FMN1: variants seen among roughly 807,000 people sequenced by gnomAD.
The protein encoded by FMN1 is formin-1.
In FMN1, 110 loss-of-function variants were observed where a neutral mutation model predicts 132.4. The observed-to-expected ratio is 0.83, with a 90% confidence interval of 0.71 to 0.97. FMN1 has a LOEUF of 0.97. Among genes scored for constraint, FMN1 ranks in the 50% least tolerant of loss-of-function variants. The pLI, the probability that FMN1 is intolerant of heterozygous loss-of-function variation, is 0.00. For missense variants in FMN1, 1,792 were observed against 1,705.3 expected (o/e 1.05, Z -0.90); for synonymous variants, 722 against 651.7 (o/e 1.11, Z -1.64).
At position 33,153,655 on chromosome 15, in the gene FMN1, G is replaced by C; in HGVS notation, c.1260C>G (p.Val420=). The change falls in exon 4 of 21, where the codon GTC becomes GTG. Residue 420 remains valine (V), a synonymous_variant. Coordinates refer to ENST00000616417, the MANE Select transcript of FMN1 (RefSeq NM_001277313.2). The part of the protein sequence containing the change: ...SASAEGAVNK[V]PLKVIESEKL... ...TCTCACTCTCTATCACCTTCAGGGG[G>C]ACCTTGTTCACGGCCCCCTCGGCAC... 1 of 1,536,326 alleles carries C rather than the reference G, an allele frequency of 6.5e-7. No individual in the cohort carries two copies. The highest frequency in any genetic ancestry group is 8.7e-7 in the Non-Finnish European group (1 of 1,146,960).
intron 4 of FMN1, among the ~76,000 whole-genome samples, chr15:33,126,516 G>A (rs1011416410): frequency 1.3e-5 from 2 of 152,112 alleles, no homozygotes; most frequent in African/African-American, 4.8e-5. Context: ...CCTCTTATTC[G>A]CTGAGTACCT....
intron 16 of FMN1, among the ~76,000 whole-genome samples, chr15:32,866,796 A>AC (rs1400370330): frequency 6.6e-6 from 1 of 152,144 alleles, no homozygotes; most frequent in Non-Finnish European, 1.5e-5. Flanking sequence ...TTCGCTGACA[A>AC]CCCAGCAGGA....
At chr15:32,899,825 AAAG>A (rs2060251913) in intron 14 of FMN1, 151 bp downstream of exon 14, 3 of 792,656 alleles carry the variant, frequency 3.8e-6, no homozygotes, top group Non-Finnish European at 4.0e-6. Context: ...TCGAAAGTGA[AAAG>A]AAAGCAAACA....
intron 4 of FMN1, among the ~76,000 whole-genome samples, chr15:33,124,568 G>T (rs1387331109): frequency 6.6e-6 from 1 of 152,034 alleles, no homozygotes; most frequent in Non-Finnish European, 1.5e-5. Context: ...ATCGGAGTAG[G>T]AAAGCCCTTG....
Position 33,079,478 on chromosome 15 carries a change from C to A in FMN1, c.2043+9321G>T, listed in dbSNP as rs112494906. Among the ~76,000 whole-genome samples, 1,120 of 152,312 alleles carry A rather than the reference C, an allele frequency of 7.4e-3. 13 individuals carry two copies. Among genetic ancestry groups the A allele is most frequent in the African/African-American group, 0.024 (985 of 41,560 alleles). ...TCTCTACTGAAAATACAAAAACCAG[C>A]TGGGCATGGTGGCACCTGCCTGTAA... On this transcript the variant is annotated intron_variant, in intron 5 of 20. Transcript: ENST00000616417.
intron 7 of FMN1, among the ~76,000 whole-genome samples, chr15:33,004,424 C>A (rs572682181): frequency 3.3e-4 from 50 of 152,140 alleles, no homozygotes; most frequent in African/African-American, 9.9e-4. Context: ...ATGCAGCCAA[C>A]AGACACATGA....
At chr15:33,021,580 T>C (rs555953317) in intron 6 of FMN1, among the ~76,000 whole-genome samples, 1 of 152,266 alleles carries the variant, frequency 6.6e-6, no homozygotes, top group East Asian at 1.9e-4. Flanking sequence ...GGGATGATGA[T>C]ATAAAAGAGG....
intron 16 of FMN1, among the ~76,000 whole-genome samples, chr15:32,877,480 A>C (rs762552137): frequency 2.0e-5 from 3 of 152,186 alleles, no homozygotes; most frequent in South Asian, 2.1e-4. Context: ...TGTTCTAATT[A>C]AGTCAGTCTA....
At position 33,194,598 on chromosome 15, in the gene FMN1, T is replaced by G. The variant is rs1185692270; in HGVS notation, c.-369A>C. 2 of 152,350 alleles carry G rather than the reference T, an allele frequency of 1.3e-5. No homozygotes were observed. Among genetic ancestry groups the G allele is most frequent in the African/African-American group, 2.4e-5 (1 of 41,556 alleles). The allele number at this position is 152,350 out of a possible 1,614,324, so 9.4% of individuals were successfully genotyped here. A position where few individuals can be genotyped will look rare whatever the true frequency, so the allele number is the denominator to read the frequency against. ...TTTACCTGACCAATACTCGGGAGGC[T>G]GGTCCCGAGTCCCAGCTACTCGGGA... On this transcript the variant is annotated 5_prime_UTR_variant, in exon 1 of 21. Coordinates refer to ENST00000616417, the MANE Select transcript of FMN1 (RefSeq NM_001277313.2).
At chr15:33,023,256 G>C (rs2035509059) in intron 6 of FMN1, among the ~76,000 whole-genome samples, 1 of 124,308 alleles carries the variant, frequency 8.0e-6, no homozygotes, top group Non-Finnish European at 1.8e-5. Context: ...GAAGGGGAGG[G>C]GGAAACTTAA....
chr15:32,830,679 C>T (rs565609648), intron 17 of FMN1, among the ~76,000 whole-genome samples: 3 of 152,084 alleles, frequency 2.0e-5, no homozygotes, highest in Non-Finnish European at 4.4e-5. Context: ...AGAAGTGCCA[C>T]AGAGGTAACA....
Position 33,059,592 on chromosome 15 carries a change from A to T in FMN1, c.2161+5365T>A, listed in dbSNP as rs559836359. Among the ~76,000 whole-genome samples, 323 of 152,328 alleles carry T rather than the reference A, an allele frequency of 2.1e-3. 2 individuals are homozygous for T. The highest frequency in any genetic ancestry group is 7.5e-3 in the African/African-American group (311 of 41,580). ...TGGCAAAAAGATTTAAAAAAATTTT[A>T]ATCCATCACTCTTCAATTTTAGACT... On this transcript the variant is annotated intron_variant, in intron 6 of 20. Transcript: ENST00000616417.
Position 32,765,795 on chromosome 15 carries a change from A to C in FMN1, c.*8515T>G, listed in dbSNP as rs2056026942. 1 of 152,020 alleles carries C rather than the reference A, an allele frequency of 6.6e-6. No homozygotes were observed. 9.4% of individuals were successfully genotyped at this position (152,020 alleles called of 1,614,324 possible). A position where few individuals can be genotyped will look rare whatever the true frequency, so the allele number is the denominator to read the frequency against. ...TGTGACCAAGTACTGTCAAGGAGGA[A>C]AAAATATATATATATAATACACACA... On this transcript the variant is annotated 3_prime_UTR_variant, in exon 21 of 21. Transcript: ENST00000616417.
intron 17 of FMN1, among the ~76,000 whole-genome samples, chr15:32,850,434 T>TA (rs1471738059): frequency 6.6e-6 from 1 of 152,222 alleles, no homozygotes; most frequent in Non-Finnish European, 1.5e-5. Flanking sequence ...GATGATTCTA[T>TA]ATCCAGGAGG....
chr15:33,043,359 G>C (rs1486682367), intron 6 of FMN1, among the ~76,000 whole-genome samples: 2 of 152,204 alleles, frequency 1.3e-5, no homozygotes, highest in Non-Finnish European at 1.5e-5. Flanking sequence ...GTCAAATGTA[G>C]CCAACTGTTC....
chr15:32,791,900 T>C (rs549232426), intron 19 of FMN1, among the ~76,000 whole-genome samples: 2 of 152,042 alleles, frequency 1.3e-5, no homozygotes, highest in African/African-American at 2.4e-5. Flanking sequence ...TACAGTTTAA[T>C]GTGCAGTAGG....
chr15:32,852,298 C>G (rs989165312), intron 17 of FMN1, among the ~76,000 whole-genome samples: 4 of 152,180 alleles, frequency 2.6e-5, no homozygotes, highest in Non-Finnish European at 5.9e-5. Context: ...TTTGTACATC[C>G]AATTTATTAA....
At chr15:32,775,647 T>C (rs2056392068) in intron 20 of FMN1, among the ~76,000 whole-genome samples, 1 of 152,220 alleles carries the variant, frequency 6.6e-6, no homozygotes, top group African/African-American at 2.4e-5. Flanking sequence ...TGCTCAACCA[T>C]GGCTTTCCCC....
At chr15:32,946,012 C>T (rs553598170) in intron 9 of FMN1, among the ~76,000 whole-genome samples, 4 of 152,258 alleles carry the variant, frequency 2.6e-5, no homozygotes, top group Admixed American at 2.0e-4. Context: ...TATGTAAGTG[C>T]CATATTGCTT....
Sources: gnomAD v4.1 joint callset for allele counts (sites outside exome capture counted in the v4.1 genomes callset) on GRCh38, gnomAD v4.1.1 for gene constraint, MANE v1.5 for transcripts, NCBI Gene and HGNC (gene_info 2026-07-23, HGNC 2026-07-21) for gene names.